The following EBF4 variants were observed in gnomAD, a reference collection of about 807,000 sequenced individuals.
EBF4 encodes transcription factor COE4.
EBF4 carries 34 observed loss-of-function variants against 67.1 expected under a neutral mutation model. That is an observed-to-expected ratio of 0.51 (90% CI 0.39 to 0.67). EBF4 has a LOEUF of 0.67. EBF4 is among the 30% of genes least tolerant of loss of function. EBF4 has a pLI of 0.00. For synonymous variants in EBF4, 387 were observed against 377.7 expected (o/e 1.02, Z -0.29); for missense variants, 837 against 873.3 (o/e 0.96, Z 0.52).
In EBF4 at chr20:2,759,142, C is replaced by G. The variant is rs891440520; in HGVS notation, c.*6-126C>G. On this transcript the variant is annotated intron_variant, in intron 16 of 16. Coordinates refer to ENST00000609451, the Ensembl canonical transcript of EBF4. ...TCTTCCTCCCCGGGGCCCATCTAGA[C>G]AGCTTTCTGAGGTACTTGGCCCACC... 9.6e-6 allele frequency: 7 copies of G among 725,958 alleles called. No individual in the cohort carries two copies. In the Admixed American group the frequency reaches 1.3e-4, roughly 14 times the overall value. The allele number at this position is 725,958 out of a possible 1,614,324, so 45.0% of individuals were successfully genotyped here.
At chr20:2,718,147 C>T (rs1355539241) in intron 6 of EBF4, among the ~76,000 whole-genome samples, 5 of 152,116 alleles carry the variant, frequency 3.3e-5, no homozygotes, top group Non-Finnish European at 7.3e-5. Flanking sequence ...CCAGATAAAC[C>T]CCACTTAATA....
intron 6 of EBF4, among the ~76,000 whole-genome samples, chr20:2,740,441 G>A (rs983180216): frequency 2.6e-5 from 4 of 152,196 alleles, no homozygotes; most frequent in African/African-American, 9.7e-5. Flanking sequence ...GTTCCCTTAG[G>A]GAGCACTGTA....
intron 15 of EBF4, among the ~76,000 whole-genome samples, chr20:2,758,069 T>A (rs2088272818): frequency 6.6e-6 from 1 of 152,256 alleles, no homozygotes; most frequent in Non-Finnish European, 1.5e-5. Context: ...AGTGAGAGAC[T>A]GAAGCCAGTA....
Position 2,693,995 on chromosome 20 carries a change from G to GC in EBF4, c.137+217dup, listed in dbSNP as rs1177226800. ...GGGGCTTCTGCCTCCACTCCGGGCT[G>GC]CCCCGGTAGATTTCTGACGGCCGCT... On this transcript the variant is annotated intron_variant, in intron 1 of 16. Coordinates refer to ENST00000609451, the Ensembl canonical transcript of EBF4. This position sits in a 1 kb window ranked among gnomAD's most constrained non-coding sequence, Gnocchi z 4.6. Among the ~76,000 whole-genome samples, 2 of 152,226 alleles carry GC rather than the reference G, an allele frequency of 1.3e-5. No homozygotes were observed. The highest frequency in any genetic ancestry group is 4.8e-5 in the African/African-American group (2 of 41,462).
At chr20:2,746,806 A>G (rs962780724) in intron 6 of EBF4, among the ~76,000 whole-genome samples, 3 of 152,124 alleles carry the variant, frequency 2.0e-5, no homozygotes, top group African/African-American at 7.2e-5. Flanking sequence ...ATATCTCCCA[A>G]TTGGGTGGAG....
chr20:2,715,616 C>T (rs1411729012), intron 6 of EBF4, among the ~76,000 whole-genome samples: 2 of 152,204 alleles, frequency 1.3e-5, no homozygotes, highest in African/African-American at 4.8e-5. Flanking sequence ...CACATCCTCA[C>T]CAACACTTAA....
chr20:2,695,141 GAGA>G (rs1316361866), intron 1 of EBF4, among the ~76,000 whole-genome samples: 3 of 147,666 alleles, frequency 2.0e-5, no homozygotes, highest in African/African-American at 7.5e-5. Flanking sequence ...TTTTCAACTT[GAGA>G]AGGTTAGTTT....
At position 2,708,523 on chromosome 20, in the gene EBF4, G is replaced by A. The variant is rs183629043; in HGVS notation, c.488+503G>A. 3.2e-3 allele frequency among the ~76,000 whole-genome samples: 492 copies of A among 152,276 alleles called. 9 individuals are homozygous for A. The East Asian group carries it at 0.075, about 23-fold the overall frequency. ...CCCCAAGAGATGCCAGTCGTACAGG[G>A]TCCTCGGAGGCAGTTCCTGATGCAT... On this transcript the variant is annotated intron_variant, in intron 5 of 16. Coordinates refer to ENST00000609451, the Ensembl canonical transcript of EBF4.
intron 6 of EBF4, among the ~76,000 whole-genome samples, chr20:2,713,809 G>C (rs924415966): frequency 1.3e-4 from 20 of 152,172 alleles, no homozygotes; most frequent in Admixed American, 6.5e-5. Context: ...TATGAGACAG[G>C]GGTTGAACTG....
At chr20:2,753,728 A>G (rs2088194013) in intron 14 of EBF4, among the ~76,000 whole-genome samples, 1 of 152,200 alleles carries the variant, frequency 6.6e-6, no homozygotes, top group African/African-American at 2.4e-5. Flanking sequence ...CTTTCCTTGC[A>G]GGGCGTGTGT....
intron 5 of EBF4, 54 bp from the exon 6 acceptor site, chr20:2,709,520 T>C: frequency 6.6e-7 from 1 of 1,505,758 alleles, no homozygotes; most frequent in Non-Finnish European, 8.9e-7. Flanking sequence ...CACACTGTCG[T>C]GGCCCCCTCC....
intron 10 of EBF4, 105 bp downstream of exon 10, chr20:2,750,078 T>C (rs2088118827): frequency 7.0e-6 from 10 of 1,436,500 alleles, no homozygotes; most frequent in Non-Finnish European, 9.2e-6. Context: ...AGCTCTACGC[T>C]GTGGCCACGA....
exon 2 of EBF4, chr20:2,705,726 A>C (rs2087444188): frequency 6.5e-7 from 1 of 1,548,968 alleles, no homozygotes; most frequent in Non-Finnish European, 8.7e-7. Context: ...TTCGTGGAAA[A>C]GGACCGAGTG....
exon 16 of EBF4, chr20:2,758,966 T>A (rs1470534104): frequency 6.4e-7 from 1 of 1,551,808 alleles, no homozygotes; most frequent in South Asian, 1.2e-5. Context: ...CTTCAGGGCC[T>A]GGCATACTCC....
chr20:2,726,621 A>T (rs958839901), intron 6 of EBF4, among the ~76,000 whole-genome samples: 3 of 152,008 alleles, frequency 2.0e-5, no homozygotes, highest in African/African-American at 7.2e-5. Flanking sequence ...ATTTTTGAAG[A>T]TTTAAACGTG....
Position 2,707,054 on chromosome 20 carries a change from GC to G in EBF4, c.414+792del, listed in dbSNP as rs1357969292. ...AAGGAGGGGGCTGAGTCTCAAATGG[GC>G]CAGATTAGTGGGCTAGGAATGCAAG... On this transcript the variant is annotated intron_variant, in intron 4 of 16. Transcript: ENST00000609451. The surrounding 1 kb of genome is among the most constrained non-coding windows in gnomAD (Gnocchi z 4.6). Among the ~76,000 whole-genome samples, 2 of 152,200 alleles carry G rather than the reference GC, an allele frequency of 1.3e-5. No homozygotes were observed. Among genetic ancestry groups the G allele is most frequent in the African/African-American group, 4.8e-5 (2 of 41,446 alleles).
At chr20:2,720,770 C>T (rs6076428) in intron 6 of EBF4, among the ~76,000 whole-genome samples, 15,649 of 152,110 alleles carry the variant, frequency 0.1, 866 homozygotes, top group Admixed American at 0.14. Context: ...AAATTTCCAT[C>T]CAGTATCAAT....
chr20:2,727,184 GTATA>G (rs2087757311), intron 6 of EBF4, among the ~76,000 whole-genome samples: 1 of 151,740 alleles, frequency 6.6e-6, no homozygotes, highest in African/African-American at 2.4e-5. Flanking sequence ...TTTATAACAT[GTATA>G]TATATTTTAT....
At chr20:2,718,550 C>T (rs781669223) in intron 6 of EBF4, among the ~76,000 whole-genome samples, 12 of 152,166 alleles carry the variant, frequency 7.9e-5, no homozygotes, top group Non-Finnish European at 1.3e-4. Context: ...TTCTTATGAG[C>T]TGTTGAATCT....
Sources: gnomAD v4.1 joint callset for allele counts (sites outside exome capture counted in the v4.1 genomes callset) on GRCh38, gnomAD v4.1.1 for gene constraint, Gnocchi (gnomAD v3.1) non-coding constraint, MANE v1.5 for transcripts, NCBI Gene and HGNC (gene_info 2026-07-23, HGNC 2026-07-21) for gene names.